CCDC73: variants seen among roughly 807,000 people sequenced by gnomAD.
CCDC73 encodes coiled-coil domain-containing protein 73.
A neutral mutation model predicts 116.5 loss-of-function variants in CCDC73; 95 were observed. That is an observed-to-expected ratio of 0.82 (90% CI 0.69 to 0.97). The LOEUF is 0.97. CCDC73 is among the 50% of genes least tolerant of loss of function. The pLI, the probability that CCDC73 is intolerant of heterozygous loss-of-function variation, is 0.00. For missense variants in CCDC73, 1,066 were observed against 1,206.8 expected (o/e 0.88, Z 1.73); for synonymous variants, 398 against 401.3 (o/e 0.99, Z 0.10).
intron 9 of CCDC73, among the ~76,000 whole-genome samples, chr11:32,660,505 G>A (rs994960575): frequency 6.6e-6 from 1 of 151,872 alleles, no homozygotes; most frequent in African/African-American, 2.4e-5. Context: ...AACAGGAAAA[G>A]CAGATATTAT....
intron 12 of CCDC73, among the ~76,000 whole-genome samples, chr11:32,644,349 C>A (rs541102635): frequency 9.2e-5 from 14 of 152,082 alleles, no homozygotes; most frequent in Admixed American, 7.9e-4. Context: ...GGAGGGAGAT[C>A]AAAAAACTAC....
At chr11:32,754,610 G>A (rs1850315944) in intron 2 of CCDC73, among the ~76,000 whole-genome samples, 2 of 152,054 alleles carry the variant, frequency 1.3e-5, no homozygotes, top group South Asian at 2.1e-4. Context: ...CAGATCTTAA[G>A]AGCAAATAGA....
chr11:32,672,964 T>A (rs1856052877), intron 9 of CCDC73, among the ~76,000 whole-genome samples: 1 of 152,142 alleles, frequency 6.6e-6, no homozygotes, highest in South Asian at 2.1e-4. Flanking sequence ...AGTGAAGATA[T>A]ACATATCACA....
Position 32,611,650 on chromosome 11 carries a change from A to G in CCDC73, c.2897-385T>C, listed in dbSNP as rs1004744105. 4.6e-5 allele frequency among the ~76,000 whole-genome samples: 7 copies of G among 152,354 alleles called. No individual in the cohort carries two copies. The East Asian group carries it at 1.3e-3, about 29-fold the overall frequency. ...CCAACTCAGATTAATGGAAAAAGTC[A>G]GAACCAACTACATACCAGATTTATA... On this transcript the variant is annotated intron_variant, in intron 16 of 17. Coordinates refer to ENST00000335185, the MANE Select transcript of CCDC73 (RefSeq NM_001008391.4).
At chr11:32,658,083 C>A (rs903040126) in intron 9 of CCDC73, among the ~76,000 whole-genome samples, 2 of 151,416 alleles carry the variant, frequency 1.3e-5, no homozygotes, top group Admixed American at 1.3e-4. Context: ...CTTTCTTCTG[C>A]AGCTATAGCT....
intron 17 of CCDC73, among the ~76,000 whole-genome samples, chr11:32,610,119 AAG>A (rs1410204806): frequency 1.3e-5 from 2 of 152,064 alleles, no homozygotes; most frequent in Non-Finnish European, 2.9e-5. Context: ...TGGCGGCAGC[AAG>A]AGAGAAGAGA....
chr11:32,753,727 A>T (rs1005682390), intron 2 of CCDC73, among the ~76,000 whole-genome samples: 36 of 152,188 alleles, frequency 2.4e-4, no homozygotes, highest in Middle Eastern at 3.4e-3. Flanking sequence ...CAGCCTCCCA[A>T]AGTGCTAGGA....
chr11:32,711,634 G>A (rs1356114651), intron 3 of CCDC73, among the ~76,000 whole-genome samples: 2 of 152,136 alleles, frequency 1.3e-5, no homozygotes, highest in Non-Finnish European at 2.9e-5. Flanking sequence ...AGGGGTGAGG[G>A]ATAAAAGAAT....
intron 1 of CCDC73, among the ~76,000 whole-genome samples, chr11:32,784,773 A>C (rs892850968): frequency 1.3e-5 from 2 of 152,228 alleles, no homozygotes; most frequent in Non-Finnish European, 2.9e-5. Flanking sequence ...TTCTATAAGC[A>C]GTGTAAATAA....
chr11:32,790,616 G>A (rs924001055), intron 1 of CCDC73, among the ~76,000 whole-genome samples: 3 of 152,014 alleles, frequency 2.0e-5, no homozygotes, highest in Non-Finnish European at 4.4e-5. Flanking sequence ...ACACTATTAT[G>A]AGTAAAACAT....
chr11:32,793,143 C>T (rs1298739739), intron 1 of CCDC73, among the ~76,000 whole-genome samples: 1 of 152,194 alleles, frequency 6.6e-6, no homozygotes, highest in Admixed American at 6.5e-5. Context: ...GAAATTAAAA[C>T]GTTTTCTCAA....
At chr11:32,792,292 T>TA (rs1850683451) in intron 1 of CCDC73, among the ~76,000 whole-genome samples, 1 of 151,490 alleles carries the variant, frequency 6.6e-6, no homozygotes, top group South Asian at 2.1e-4. Context: ...GCTAGACTAG[T>TA]AAAAAATAAA....
intron 7 of CCDC73, chr11:32,682,215 T>C (rs1182708097): frequency 6.6e-6 from 1 of 151,870 alleles, no homozygotes; most frequent in East Asian, 1.9e-4. Flanking sequence ...TGTAGCCTTA[T>C]CTCCCAGGTC....
At chr11:32,641,412 A>G (rs994821150) in intron 13 of CCDC73, among the ~76,000 whole-genome samples, 1 of 152,068 alleles carries the variant, frequency 6.6e-6, no homozygotes, top group Non-Finnish European at 1.5e-5. Context: ...ATTAAAAATT[A>G]TTATAAAATA....
intron 2 of CCDC73, among the ~76,000 whole-genome samples, chr11:32,749,185 C>T (rs1850265411): frequency 6.6e-6 from 1 of 152,008 alleles, no homozygotes; most frequent in African/African-American, 2.4e-5. Flanking sequence ...TAGATTTGCC[C>T]TTTTGAGGCT....
intron 3 of CCDC73, among the ~76,000 whole-genome samples, chr11:32,707,593 C>T (rs993858073): frequency 6.6e-6 from 1 of 152,046 alleles, no homozygotes; most frequent in African/African-American, 2.4e-5. Context: ...GTTTTTTCGA[C>T]GTTCTAAAGA....
chr11:32,632,032 G>A lies in CCDC73; in HGVS notation c.1185+3664C>T, dbSNP rs563034071. On this transcript the variant is annotated intron_variant, in intron 14 of 17. Transcript: ENST00000335185. Reference sequence around the variant, plus strand: ...TGTTGTTAAATTTCCAAACATTTGAGAATTTTCCAAATATATTTCTGTTAG... The same window carrying A: ...TGTTGTTAAATTTCCAAACATTTGAAAATTTTCCAAATATATTTCTGTTAG... 2.0e-5 allele frequency among the ~76,000 whole-genome samples: 3 copies of A among 152,266 alleles called. No homozygotes were observed. In the East Asian group the frequency reaches 5.8e-4, roughly 29 times the overall value.
intron 4 of CCDC73, 123 bp from the exon 5 acceptor site, chr11:32,700,949 T>C (rs1849805890): frequency 5.0e-6 from 2 of 403,994 alleles, no homozygotes; most frequent in African/African-American, 2.1e-5. Context: ...AATGTGAATA[T>C]GTTATTTTCA....
In CCDC73 at chr11:32,702,960, T is replaced by C. The variant is rs1248108826; in HGVS notation, c.208-16A>G. 1 of 1,578,776 alleles carries C rather than the reference T, an allele frequency of 6.3e-7. No individual in the cohort carries two copies. Among genetic ancestry groups the C allele is most frequent in the Non-Finnish European group, 8.7e-7 (1 of 1,147,866 alleles). On this transcript the variant is annotated splice_polypyrimidine_tract_variant and intron_variant, in intron 3 of 17. Coordinates refer to ENST00000335185, the MANE Select transcript of CCDC73 (RefSeq NM_001008391.4). ...GAAGAGTTTCCTGTTTTAAAAATTA[T>C]GACAAGTTAAAACACAAATTCTAGC...
Sources: allele counts gnomAD v4.1 joint callset (sites outside exome capture counted in the v4.1 genomes callset), GRCh38; gene constraint gnomAD v4.1.1; transcripts MANE v1.5; gene names NCBI Gene and HGNC (gene_info 2026-07-23, HGNC 2026-07-21).